The following AP3B1 variants were observed in gnomAD, a reference collection of about 807,000 sequenced individuals.
AP3B1 encodes the protein AP-3 complex subunit beta-1.
In AP3B1, 61 loss-of-function variants were observed where a neutral mutation model predicts 132.5. The observed-to-expected ratio is 0.46, with a 90% confidence interval of 0.37 to 0.57. The LOEUF (loss-of-function observed/expected upper bound fraction) is 0.57, where lower values mean the gene tolerates loss of function less well. Among genes scored for constraint, AP3B1 ranks in the 20% least tolerant of loss-of-function variants. AP3B1 has a pLI of 0.00. For missense variants in AP3B1, 1,120 were observed against 1,289.4 expected, an observed-to-expected ratio of 0.87 and a Z score of 2.01; for synonymous variants, 388 against 438.3, an observed-to-expected ratio of 0.89 and a Z score of 1.43.
At chr5:78,193,280 A>G (rs1375226002) in intron 7 of AP3B1, among the ~76,000 whole-genome samples, 1 of 152,194 alleles carries the variant, frequency 6.6e-6, no homozygotes, top group Non-Finnish European at 1.5e-5. Flanking sequence ...GAGGAATCAA[A>G]GTTTATATCT....
chr5:78,273,012 C>T (rs1561213754), intron 1 of AP3B1, among the ~76,000 whole-genome samples: 1 of 149,900 alleles, frequency 6.7e-6, no homozygotes, highest in African/African-American at 2.4e-5. Context: ...AGCTGAAATA[C>T]ATACATATAC....
At chr5:78,080,952 G>GT (rs1749975096) in intron 22 of AP3B1, among the ~76,000 whole-genome samples, 2 of 152,156 alleles carry the variant, frequency 1.3e-5, no homozygotes, top group Non-Finnish European at 2.9e-5. Flanking sequence ...ACCTGATGAA[G>GT]TATCAGGTAA....
At chr5:78,046,078 C>T (rs371167162) in intron 22 of AP3B1, among the ~76,000 whole-genome samples, 1 of 152,204 alleles carries the variant, frequency 6.6e-6, no homozygotes, top group East Asian at 1.9e-4. Flanking sequence ...TCTAAGGGCA[C>T]AAATGTTAGA....
intron 17 of AP3B1, among the ~76,000 whole-genome samples, chr5:78,120,068 G>A (rs1227762544): frequency 1.3e-5 from 2 of 152,114 alleles, no homozygotes; most frequent in Non-Finnish European, 2.9e-5. Context: ...TTTCAACCCA[G>A]AATTTCATAT....
intron 22 of AP3B1, among the ~76,000 whole-genome samples, chr5:78,050,875 G>A (rs1197205843): frequency 2.0e-5 from 3 of 152,122 alleles, no homozygotes. Context: ...AATTAGTTCA[G>A]TAACTGCAGT....
intron 1 of AP3B1, among the ~76,000 whole-genome samples, chr5:78,291,082 G>T (rs1046335237): frequency 5.3e-5 from 8 of 152,228 alleles, no homozygotes; most frequent in African/African-American, 1.9e-4. Flanking sequence ...CTTTCATAAA[G>T]CCATCTAATT....
At chr5:78,066,931 T>G (rs1423499540) in intron 22 of AP3B1, among the ~76,000 whole-genome samples, 1 of 152,048 alleles carries the variant, frequency 6.6e-6, no homozygotes, top group African/African-American at 2.4e-5. Flanking sequence ...CCAGATCACC[T>G]ACAAAGGGAA....
At chr5:78,014,047 C>T (rs1412367332) in intron 26 of AP3B1, among the ~76,000 whole-genome samples, 1 of 152,104 alleles carries the variant, frequency 6.6e-6, no homozygotes, top group Admixed American at 6.5e-5. Flanking sequence ...CCTGTAGTCC[C>T]AGCCACTCGG....
chr5:78,193,740 T>TATATATATA (rs1561469382), intron 7 of AP3B1, among the ~76,000 whole-genome samples: 1 of 41,710 alleles, frequency 2.4e-5, no homozygotes, highest in Non-Finnish European at 5.8e-5. Context: ...TTGTATATAT[T>TATATATATA]TTTTTATATA....
intron 22 of AP3B1, among the ~76,000 whole-genome samples, chr5:78,055,548 A>C (rs1748774043): frequency 6.6e-6 from 1 of 152,190 alleles, no homozygotes. Context: ...GACAATGTTT[A>C]TTAGCATAAG....
intron 2 of AP3B1, among the ~76,000 whole-genome samples, chr5:78,261,040 T>C (rs1027430856): frequency 4.6e-5 from 7 of 152,352 alleles, no homozygotes; most frequent in African/African-American, 9.6e-5. Context: ...TTTCCACCTA[T>C]TGGCTTCTAT....
intron 7 of AP3B1, among the ~76,000 whole-genome samples, chr5:78,189,006 A>G (rs1341286561): frequency 2.6e-5 from 4 of 152,196 alleles, no homozygotes; most frequent in African/African-American, 9.6e-5. Flanking sequence ...GTTCTCACTT[A>G]TAAGTGAGAA....
chr5:78,100,450 G>C (rs1751081562), intron 21 of AP3B1, among the ~76,000 whole-genome samples: 1 of 152,112 alleles, frequency 6.6e-6, no homozygotes, highest in Non-Finnish European at 1.5e-5. Flanking sequence ...GATTTGCTGG[G>C]ACAAAGATTT....
At chr5:78,207,321 G>A (rs1263297082) in intron 7 of AP3B1, among the ~76,000 whole-genome samples, 1 of 151,590 alleles carries the variant, frequency 6.6e-6, no homozygotes, top group African/African-American at 2.4e-5. Flanking sequence ...CAGCTACTCA[G>A]GAGGCTCAGG....
intron 6 of AP3B1, among the ~76,000 whole-genome samples, chr5:78,223,249 C>T (rs1251275931): frequency 6.6e-6 from 1 of 151,814 alleles, no homozygotes; most frequent in African/African-American, 2.4e-5. Flanking sequence ...ACCAGAATTA[C>T]AGGTGTCAGT....
intron 7 of AP3B1, among the ~76,000 whole-genome samples, chr5:78,211,276 G>C (rs1244892559): frequency 6.6e-6 from 1 of 152,100 alleles, no homozygotes; most frequent in Non-Finnish European, 1.5e-5. Context: ...GCTTTGACTT[G>C]ACATCCACTA....
intron 18 of AP3B1, chr5:78,115,893 C>T: frequency 2.0e-6 from 1 of 505,878 alleles, no homozygotes; most frequent in Non-Finnish European, 3.6e-6. Flanking sequence ...CCTGTTTCAG[C>T]TATACCAATG....
intron 1 of AP3B1, among the ~76,000 whole-genome samples, chr5:78,278,099 TA>T (rs1748862933): frequency 2.0e-5 from 3 of 152,172 alleles, no homozygotes. Flanking sequence ...CCCCCAATCT[TA>T]ATCTTCTATA....
chr5:78,226,058 T>C (rs1746387365), intron 5 of AP3B1, among the ~76,000 whole-genome samples: 5 of 152,072 alleles, frequency 3.3e-5, no homozygotes, highest in Admixed American at 3.3e-4. Context: ...GAGACATGCA[T>C]TATAAAATCT....
Sources: allele counts gnomAD v4.1 joint callset (sites outside exome capture counted in the v4.1 genomes callset), GRCh38; gene constraint gnomAD v4.1.1; transcripts MANE v1.5; gene names NCBI Gene and HGNC (gene_info 2026-07-23, HGNC 2026-07-21).